NRG1: variants seen among roughly 807,000 people sequenced by gnomAD.
NRG1 encodes the protein neuregulin 1, also known as pro-neuregulin-1, membrane-bound isoform.
A neutral mutation model predicts 63.8 loss-of-function variants in NRG1; 18 were observed. That is an observed-to-expected ratio of 0.28 (90% CI 0.19 to 0.42). The LOEUF is 0.42. NRG1 is among the 10% of genes least tolerant of loss of function. NRG1 has a pLI of 1.00. For synonymous variants in NRG1, 302 were observed against 301.3 expected (o/e 1.00, Z -0.02); for missense variants, 762 against 814.7 (o/e 0.94, Z 0.79).
At position 32,508,123 on chromosome 8, in the gene NRG1, G is replaced by A. The variant is rs76459549; in HGVS notation, c.38-87705G>A. On this transcript the variant is annotated intron_variant, in intron 1 of 10. Coordinates refer to the NRG1 transcript ENST00000519301. ...TTTCAACCATTAACAAAGAATGGTA[G>A]AGTGGAATGTGGTGGCACATGCCTA... Among the ~76,000 whole-genome samples, 890 of 152,376 alleles carry A rather than the reference G, an allele frequency of 5.8e-3. 5 individuals are homozygous for A. Among genetic ancestry groups the A allele is most frequent in the Non-Finnish European group, 8.7e-3 (591 of 68,036 alleles).
intron 1 of NRG1, among the ~76,000 whole-genome samples, chr8:32,150,853 T>C (rs1391339010): frequency 1.3e-5 from 2 of 152,198 alleles, no homozygotes; most frequent in Non-Finnish European, 2.9e-5. Flanking sequence ...AATTATCCTC[T>C]AAACTGTTTC....
chr8:32,131,273 A>G (rs1265461139), intron 1 of NRG1, among the ~76,000 whole-genome samples: 1 of 152,056 alleles, frequency 6.6e-6, no homozygotes, highest in Non-Finnish European at 1.5e-5. Context: ...GGAATATGTA[A>G]GTGAGGAATA....
intron 1 of NRG1, among the ~76,000 whole-genome samples, chr8:32,089,074 G>A (rs1374667327): frequency 1.3e-5 from 2 of 152,184 alleles, no homozygotes; most frequent in Admixed American, 6.5e-5. Context: ...GTATGTGTGT[G>A]TATGTGTGTG....
intron 1 of NRG1, among the ~76,000 whole-genome samples, chr8:32,038,712 C>T (rs921274888): frequency 2.0e-5 from 3 of 151,916 alleles, no homozygotes; most frequent in African/African-American, 7.3e-5. Flanking sequence ...TTTGGGAGCA[C>T]GTATTGCTGT....
chr8:32,319,602 C>T (rs763781680), intron 1 of NRG1, among the ~76,000 whole-genome samples: 7 of 151,996 alleles, frequency 4.6e-5, no homozygotes, highest in Non-Finnish European at 1.0e-4. Context: ...GATCTCGTTC[C>T]CTATGCTGTC....
At chr8:32,301,972 G>T (rs11779728) in intron 1 of NRG1, among the ~76,000 whole-genome samples, 2 of 152,076 alleles carry the variant, frequency 1.3e-5, no homozygotes, top group Admixed American at 6.5e-5. Flanking sequence ...ATGCTGACTG[G>T]GGGGAGTGAA....
Position 32,683,888 on chromosome 8 carries a change from A to T in NRG1, c.503-44061A>T, listed in dbSNP as rs1437202851. Among the ~76,000 whole-genome samples, 496 of 86,618 alleles carry T rather than the reference A, an allele frequency of 5.7e-3. 5 individuals carry two copies. The highest frequency in any genetic ancestry group is 5.7e-3 in the Non-Finnish European group (260 of 45,706). 56.8% of individuals were successfully genotyped at this position (86,618 alleles called of 152,430 possible). A position where few individuals can be genotyped will look rare whatever the true frequency, so the allele number is the denominator to read the frequency against. On this transcript the variant is annotated intron_variant, in intron 5 of 11. Coordinates refer to ENST00000356819, the Ensembl canonical transcript of NRG1. ...CTGAGCTCTTCTAATTTGCTTCTTG[A>T]AAAAAAAAAAAAAAAAGAAAATCTG... is the stretch of plus-strand genomic sequence containing the variant.
chr8:32,096,448 T>C (rs1390855894), intron 1 of NRG1, among the ~76,000 whole-genome samples: 1 of 152,252 alleles, frequency 6.6e-6, no homozygotes, highest in East Asian at 1.9e-4. Flanking sequence ...GATCTGTTCT[T>C]CTAGCTATCT....
chr8:31,822,606 T>C (rs1306495962), intron 1 of NRG1, among the ~76,000 whole-genome samples: 1 of 152,200 alleles, frequency 6.6e-6, no homozygotes, highest in Non-Finnish European at 1.5e-5. Context: ...TTGTTTTAGG[T>C]AATAGGTTGA....
At chr8:32,649,992 G>A (rs1854641514) in intron 5 of NRG1, among the ~76,000 whole-genome samples, 1 of 152,130 alleles carries the variant, frequency 6.6e-6, no homozygotes, top group Non-Finnish European at 1.5e-5. Context: ...AAATCTGCTT[G>A]AACAGGTTTC....
intron 6 of NRG1, among the ~76,000 whole-genome samples, chr8:32,732,020 T>C (rs1823800386): frequency 6.6e-6 from 1 of 152,230 alleles, no homozygotes; most frequent in Non-Finnish European, 1.5e-5. Context: ...AAATCTCTTT[T>C]GTCTCTCTGC....
intron 1 of NRG1, among the ~76,000 whole-genome samples, chr8:32,450,961 T>C (rs1449474571): frequency 6.6e-6 from 1 of 152,160 alleles, no homozygotes; most frequent in Non-Finnish European, 1.5e-5. Context: ...AAGTCTTCTC[T>C]AAGGGAGTTG....
chr8:32,258,644 G>T (rs908219847), intron 1 of NRG1, among the ~76,000 whole-genome samples: 8 of 152,030 alleles, frequency 5.3e-5, no homozygotes, highest in Non-Finnish European at 8.8e-5. Context: ...TGTGAAGGAG[G>T]AACTGTCAAA....
intron 1 of NRG1, among the ~76,000 whole-genome samples, chr8:32,128,885 T>C (rs747776803): frequency 2.5e-4 from 38 of 152,058 alleles, no homozygotes; most frequent in Non-Finnish European, 4.7e-4. Flanking sequence ...GCCTTCTCTT[T>C]TGCTTTTCAG....
At chr8:32,209,573 T>G (rs574720233) in intron 1 of NRG1, among the ~76,000 whole-genome samples, 1 of 152,316 alleles carries the variant, frequency 6.6e-6, no homozygotes, top group East Asian at 1.9e-4. Flanking sequence ...GAAGAGGGTT[T>G]CGCCAAAAGA....
At position 32,182,923 on chromosome 8, in the gene NRG1, C is replaced by T. The variant is rs115832502; in HGVS notation, c.38-412905C>T. ...ATTTCAAAACGTTTCATTTTTCCTC[C>T]GTAAAATTTATTTCTATCAAGGAAA... is the stretch of plus-strand genomic sequence containing the variant. On this transcript the variant is annotated intron_variant, in intron 1 of 10. Coordinates refer to the NRG1 transcript ENST00000519301. Among the ~76,000 whole-genome samples, 381 of 152,096 alleles carry T rather than the reference C, an allele frequency of 2.5e-3. 1 individual carries two copies. The highest frequency in any genetic ancestry group is 8.7e-3 in the African/African-American group (362 of 41,482).
intron 1 of NRG1, among the ~76,000 whole-genome samples, chr8:31,893,930 T>C (rs578027311): frequency 2.2e-4 from 33 of 152,240 alleles, no homozygotes; most frequent in African/African-American, 7.5e-4. Context: ...CTAATCTACC[T>C]ACCGAATAGT....
intron 5 of NRG1, among the ~76,000 whole-genome samples, chr8:32,721,418 G>A (rs751182972): frequency 1.3e-5 from 2 of 152,140 alleles, no homozygotes; most frequent in Non-Finnish European, 2.9e-5. Context: ...AGTGCTCCCA[G>A]CGTATTAGCT....
chr8:31,843,784 A>G (rs974014839), intron 1 of NRG1, among the ~76,000 whole-genome samples: 7 of 152,236 alleles, frequency 4.6e-5, no homozygotes, highest in African/African-American at 1.7e-4. Flanking sequence ...ACACAAGGAA[A>G]CTTCTACTAC....
Sources: allele counts gnomAD v4.1 joint callset (sites outside exome capture counted in the v4.1 genomes callset), GRCh38; gene constraint gnomAD v4.1.1; transcripts MANE v1.5; gene names NCBI Gene and HGNC (gene_info 2026-07-23, HGNC 2026-07-21).